Variants in NHLRC2 observed in about 807,000 individuals in gnomAD.
The protein encoded by NHLRC2 is NHL repeat containing 2.
A neutral mutation model predicts 68.1 loss-of-function variants in NHLRC2; 33 were observed. The observed-to-expected ratio is 0.48, with a 90% CI of 0.37 to 0.65. The LOEUF (loss-of-function observed/expected upper bound fraction) is 0.65, where lower values mean the gene tolerates loss of function less well. NHLRC2 is among the 30% of genes least tolerant of loss of function. The pLI, the probability that NHLRC2 is intolerant of heterozygous loss-of-function variation, is 0.00. For synonymous variants in NHLRC2, 311 were observed against 309.6 expected (o/e 1.00, Z -0.05); for missense variants, 761 against 853.8 (o/e 0.89, Z 1.35).
intron 2 of NHLRC2, among the ~76,000 whole-genome samples, chr10:113,875,574 G>A (rs1220658559): frequency 6.6e-6 from 1 of 152,096 alleles, no homozygotes; most frequent in Non-Finnish European, 1.5e-5. Flanking sequence ...AATAAAATTG[G>A]CAGCTCACTC....
At chr10:113,904,055 A>G (rs930627667) in intron 9 of NHLRC2, among the ~76,000 whole-genome samples, 1 of 150,804 alleles carries the variant, frequency 6.6e-6, no homozygotes, top group African/African-American at 2.4e-5. Context: ...CATACACTAC[A>G]TACACCTGCT....
intron 5 of NHLRC2, among the ~76,000 whole-genome samples, chr10:113,894,138 G>A (rs948954948): frequency 2.6e-5 from 4 of 152,160 alleles, no homozygotes; most frequent in African/African-American, 7.2e-5. Flanking sequence ...TGAGAAAAAG[G>A]AGGAATTAAA....
chr10:113,916,259 ATC>A lies in NHLRC2; in HGVS notation c.*7724_*7725del, dbSNP rs1404510504. The A allele has an allele frequency of 6.6e-6, 1 of 152,234 alleles. No individual in the cohort carries two copies. The highest frequency in any genetic ancestry group is 2.4e-5 in the African/African-American group (1 of 41,462). 9.4% of individuals were successfully genotyped at this position (152,234 alleles called of 1,614,324 possible). A position where few individuals can be genotyped will look rare whatever the true frequency, so the allele number is the denominator to read the frequency against. On this transcript the variant is annotated 3_prime_UTR_variant, in exon 11 of 11. Transcript: ENST00000369301. ...TTCGTGCATGCCTGTGATATTCATC[ATC>A]AAAATATACCTGTAAAAAATAAACT...
intron 2 of NHLRC2, among the ~76,000 whole-genome samples, chr10:113,871,588 A>G (rs1176890952): frequency 6.6e-6 from 1 of 152,134 alleles, no homozygotes; most frequent in Admixed American, 6.5e-5. Context: ...TTTATACTGT[A>G]CTTCTGTTTT....
rs571063086 is a variant in NHLRC2 at position 113,864,779 on chromosome 10, G to C, written c.331+6099G>C. 2.4e-4 allele frequency among the ~76,000 whole-genome samples: 37 copies of C among 151,864 alleles called. No individual in the cohort carries two copies. The South Asian group carries it at 7.3e-3, about 30-fold the overall frequency. ...ATGAACCTTACAAGGTCAGAATTGT[G>C]CACCACTGGGAGGGTTACACTCAGT... is the stretch of plus-strand genomic sequence containing the variant. On this transcript the variant is annotated intron_variant, in intron 2 of 10. Coordinates refer to ENST00000369301, the MANE Select transcript of NHLRC2 (RefSeq NM_198514.4).
rs149344409 is a variant in NHLRC2, at chr10:113,888,410, T to C, written c.1039+4030T>C. ...TATACACATAGATCAAAACATGACA[T>C]TGTACCCCACGAATGTACACAATTA... On this transcript the variant is annotated intron_variant, in intron 5 of 10. Transcript: ENST00000369301. 1.9e-3 allele frequency among the ~76,000 whole-genome samples: 292 copies of C among 152,290 alleles called. 2 individuals are homozygous for C. The highest frequency in any genetic ancestry group is 6.8e-3 in the African/African-American group (281 of 41,558).
At chr10:113,903,800 G>C (rs2134739038) in intron 9 of NHLRC2, 64 bp downstream of exon 9, 1 of 958,046 alleles carries the variant, frequency 1.0e-6, no homozygotes, top group East Asian at 2.4e-5. Flanking sequence ...GATCCTCACA[G>C]CACTGACAGA....
rs556245602 is a variant in NHLRC2 at position 113,899,917 on chromosome 10, TA to T, written c.1139+1721del. The stretch of plus-strand genomic sequence containing the variant: ...CAGGACGACAGAGTGAGACTCCGTT[TA>T]AAAAAAAAAAAATTGAAATTGTTCC... On this transcript the variant is annotated intron_variant, in intron 6 of 10. Transcript: ENST00000369301. Among the ~76,000 whole-genome samples the T allele has an allele frequency of 5.2e-3, 753 of 146,002 alleles. 3 individuals carry two copies. The highest frequency in any genetic ancestry group is 0.018 in the Middle Eastern group (5 of 284).
At chr10:113,856,188 A>G (rs1845756388) in intron 1 of NHLRC2, among the ~76,000 whole-genome samples, 2 of 152,184 alleles carry the variant, frequency 1.3e-5, no homozygotes, top group Admixed American at 6.5e-5. Context: ...GATAAATGAA[A>G]ACGTATTTTA....
chr10:113,886,016 A>G lies in NHLRC2; in HGVS notation c.1039+1636A>G, dbSNP rs115002016. On this transcript the variant is annotated intron_variant, in intron 5 of 10. Coordinates refer to ENST00000369301, the MANE Select transcript of NHLRC2 (RefSeq NM_198514.4). Reference sequence around the variant, plus strand: ...ATCCTTATGACTCTACCAAAAGACTATTAGAGCTGATAAATTTTGTAAAGT... The same window carrying G: ...ATCCTTATGACTCTACCAAAAGACTGTTAGAGCTGATAAATTTTGTAAAGT... 3.5e-3 allele frequency among the ~76,000 whole-genome samples: 531 copies of G among 152,210 alleles called. 2 individuals carry two copies. Among genetic ancestry groups the G allele is most frequent in the African/African-American group, 0.012 (498 of 41,578 alleles).
chr10:113,879,025 G>A (rs1846011721), intron 3 of NHLRC2, among the ~76,000 whole-genome samples: 1 of 152,152 alleles, frequency 6.6e-6, no homozygotes, highest in South Asian at 2.1e-4. Context: ...AAACTGAGAG[G>A]TGGACTAGAA....
intron 7 of NHLRC2, 21 bp downstream of exon 7, chr10:113,901,918 A>C: frequency 6.7e-7 from 1 of 1,502,356 alleles, no homozygotes; most frequent in Non-Finnish European, 9.3e-7. Context: ...TCACTCTTGC[A>C]CAGTGCGCTC....
chr10:113,905,011 C>T lies in NHLRC2; in HGVS notation c.1899C>T (p.Ser633=). Residue 633 remains serine, a synonymous_variant, in exon 10 of 11, where the codon TCC becomes TCT. Coordinates refer to ENST00000369301, the MANE Select transcript of NHLRC2 (RefSeq NM_198514.4). ...GATCAAAGCTAACTGAAGGAGTATC[C>T]AGTTGCTGGTTTCTAACAGCTGAAG... ...PSGSKLTEGV[S]SCWFLTAEGN... 6.5e-7 allele frequency: 1 copy of T among 1,529,256 alleles called. No individual in the cohort carries two copies. The highest frequency in any genetic ancestry group is 2.3e-5 in the East Asian group (1 of 43,606). 94.7% of individuals were successfully genotyped at this position (1,529,256 alleles called of 1,614,324 possible). A position where few individuals can be genotyped will look rare whatever the true frequency, so the allele number is the denominator to read the frequency against.
At chr10:113,903,467 C>T (rs1589549083) in intron 8 of NHLRC2, 60 bp from the exon 9 acceptor site, 1 of 1,011,034 alleles carries the variant, frequency 9.9e-7, no homozygotes, top group East Asian at 2.4e-5. Context: ...CCATACTCTT[C>T]CATACAACAA....
At position 113,914,043 on chromosome 10, in the gene NHLRC2, CAG is replaced by C. The variant is rs1284163380; in HGVS notation, c.*5508_*5509del. 1.3e-5 allele frequency: 2 copies of C among 152,108 alleles called. No individual in the cohort carries two copies. Among genetic ancestry groups the C allele is most frequent in the Non-Finnish European group, 2.9e-5 (2 of 68,038 alleles). 9.4% of individuals were successfully genotyped at this position (152,108 alleles called of 1,614,324 possible). The stretch of plus-strand genomic sequence containing the variant: ...CTAATTTTTGTACTTTTAGTAGAAA[CAG>C]GGTTTCTGTTGGCCAGGTTGGTCTC... On this transcript the variant is annotated 3_prime_UTR_variant, in exon 11 of 11. Transcript: ENST00000369301.
chr10:113,878,078 T>A (rs1487361429), intron 3 of NHLRC2, among the ~76,000 whole-genome samples: 2 of 152,236 alleles, frequency 1.3e-5, no homozygotes, highest in African/African-American at 4.8e-5. Flanking sequence ...CTGTTATCTT[T>A]TGATACAGTT....
intron 1 of NHLRC2, among the ~76,000 whole-genome samples, chr10:113,857,180 A>G (rs998474393): frequency 2.0e-5 from 3 of 152,146 alleles, no homozygotes; most frequent in Non-Finnish European, 4.4e-5. Flanking sequence ...AAGCCTGGTA[A>G]GTATCTAGCA....
intron 2 of NHLRC2, among the ~76,000 whole-genome samples, chr10:113,868,595 C>A (rs1288103006): frequency 6.6e-6 from 1 of 152,070 alleles, no homozygotes. Context: ...CATTTGTTTC[C>A]TACTTACGTA....
chr10:113,905,462 A>G (rs1276771594), intron 10 of NHLRC2, among the ~76,000 whole-genome samples: 1 of 152,098 alleles, frequency 6.6e-6, no homozygotes, highest in Non-Finnish European at 1.5e-5. Context: ...CCTTTCTTCT[A>G]TTTGTGAATC....
Sources: allele counts gnomAD v4.1 joint callset (sites outside exome capture counted in the v4.1 genomes callset), GRCh38; gene constraint gnomAD v4.1.1; transcripts MANE v1.5; gene names NCBI Gene and HGNC (gene_info 2026-07-23, HGNC 2026-07-21).